Variants in WDPCP observed in about 807,000 individuals in gnomAD.
WDPCP encodes the protein WD repeat-containing and planar cell polarity effector protein fritz homolog.
WDPCP carries 71 observed loss-of-function variants against 93.1 expected under a neutral mutation model. The ratio of observed to expected loss-of-function variants is 0.76; its 90% CI spans 0.63 to 0.93. WDPCP has a LOEUF of 0.93. WDPCP is among the 40% of genes least tolerant of loss of function. The probability of loss-of-function intolerance (pLI) is 0.00; values close to 1 mark genes in which losing one functional copy is unlikely to be tolerated. For synonymous variants in WDPCP, 315 were observed against 315.0 expected (o/e 1.00, Z 0.00); for missense variants, 844 against 887.4 (o/e 0.95, Z 0.62).
chr2:63,395,282 A>G (rs1448202804), intron 10 of WDPCP, among the ~76,000 whole-genome samples: 2 of 152,196 alleles, frequency 1.3e-5, no homozygotes, highest in Non-Finnish European at 2.9e-5. Flanking sequence ...GTTGTGTTAC[A>G]TAGACATATT....
intron 3 of WDPCP, chr2:63,595,551 G>A: frequency 7.6e-7 from 1 of 1,323,346 alleles, no homozygotes; most frequent in Non-Finnish European, 1.1e-6. Context: ...GGATTTTATG[G>A]TATTTGATTT....
intron 2 of WDPCP, among the ~76,000 whole-genome samples, chr2:63,741,639 T>G (rs1430253868): frequency 6.6e-6 from 1 of 152,080 alleles, no homozygotes; most frequent in Non-Finnish European, 1.5e-5. Context: ...CATTCCTCAT[T>G]TGCCACTTTT....
At chr2:63,226,893 T>A (rs528852451) in intron 14 of WDPCP, among the ~76,000 whole-genome samples, 1 of 152,024 alleles carries the variant, frequency 6.6e-6, no homozygotes, top group East Asian at 1.9e-4. Context: ...AAGAAAGAAC[T>A]AATTGAAAGT....
intron 14 of WDPCP, among the ~76,000 whole-genome samples, chr2:63,237,780 G>C (rs1413139188): frequency 1.3e-5 from 2 of 152,012 alleles, no homozygotes; most frequent in African/African-American, 4.8e-5. Context: ...TAAACCCTGG[G>C]TATACACAGA....
chr2:63,239,506 G>A (rs1291660891), intron 14 of WDPCP, among the ~76,000 whole-genome samples: 3 of 152,074 alleles, frequency 2.0e-5, no homozygotes, highest in Non-Finnish European at 4.4e-5. Flanking sequence ...AACTTAGTAG[G>A]CCAACTACAT....
At chr2:63,468,206 C>T (rs1699472893) in intron 6 of WDPCP, among the ~76,000 whole-genome samples, 1 of 152,142 alleles carries the variant, frequency 6.6e-6, no homozygotes. Context: ...TTCAGACTAG[C>T]ATCATAGTTT....
At chr2:63,670,864 G>C (rs1425536717) in intron 2 of WDPCP, among the ~76,000 whole-genome samples, 1 of 152,032 alleles carries the variant, frequency 6.6e-6, no homozygotes, top group East Asian at 1.9e-4. Context: ...TAAGGCACAA[G>C]TATGAAATGA....
intron 12 of WDPCP, among the ~76,000 whole-genome samples, chr2:63,343,181 C>A (rs1397711862): frequency 1.3e-5 from 2 of 151,712 alleles, no homozygotes; most frequent in African/African-American, 4.8e-5. Flanking sequence ...TCTTTTTTTG[C>A]ATTTTTAGTA....
chr2:63,797,873 G>C (rs1375395173), intron 2 of WDPCP, among the ~76,000 whole-genome samples: 2 of 151,990 alleles, frequency 1.3e-5, no homozygotes, highest in East Asian at 3.9e-4. Context: ...CTAGCTCAAG[G>C]CATTTAATAC....
intron 14 of WDPCP, among the ~76,000 whole-genome samples, chr2:63,175,086 T>G (rs867215338): frequency 6.6e-6 from 1 of 152,204 alleles, no homozygotes; most frequent in Non-Finnish European, 1.5e-5. Context: ...ATGTGTAGTG[T>G]TTTTAACGAG....
intron 17 of WDPCP, among the ~76,000 whole-genome samples, chr2:63,144,214 C>G (rs1380919479): frequency 6.6e-6 from 1 of 152,014 alleles, no homozygotes; most frequent in Non-Finnish European, 1.5e-5. Flanking sequence ...TTTCTTTCTT[C>G]TCCTTGTTCA....
At chr2:63,792,524 C>T (rs950002461) in intron 2 of WDPCP, among the ~76,000 whole-genome samples, 2 of 152,032 alleles carry the variant, frequency 1.3e-5, no homozygotes, top group Non-Finnish European at 2.9e-5. Flanking sequence ...CTGAGTGATA[C>T]GGCTATACAT....
chr2:63,233,390 C>CAGTTCTGTGT (rs1679103054), intron 14 of WDPCP: 1 of 240,958 alleles, frequency 4.2e-6, no homozygotes, highest in African/African-American at 2.3e-5. Context: ...AGAGTCTACA[C>CAGTTCTGTGT]AGTTCAAGAG....
chr2:63,800,041 T>A (rs1159202385), intron 2 of WDPCP, among the ~76,000 whole-genome samples: 2 of 152,230 alleles, frequency 1.3e-5, no homozygotes, highest in Non-Finnish European at 2.9e-5. Context: ...AGTATTGGTC[T>A]ATATAACTAA....
intron 2 of WDPCP, among the ~76,000 whole-genome samples, chr2:63,714,792 G>A (rs946416317): frequency 2.0e-5 from 3 of 152,182 alleles, no homozygotes; most frequent in Non-Finnish European, 2.9e-5. Context: ...TTGCACCACT[G>A]CACTCCAGCC....
intron 9 of WDPCP, among the ~76,000 whole-genome samples, chr2:63,405,886 A>G (rs926567263): frequency 6.6e-6 from 1 of 152,172 alleles, no homozygotes; most frequent in Non-Finnish European, 1.5e-5. Context: ...TACATCCCCC[A>G]GAAAAGGTGC....
At chr2:63,153,181 G>A in intron 16 of WDPCP, 1 of 567,134 alleles carries the variant, frequency 1.8e-6, no homozygotes, top group Non-Finnish European at 3.1e-6. Flanking sequence ...ATATACTATA[G>A]TATATACTAG....
upstream of WDPCP, among the ~76,000 whole-genome samples, chr2:63,589,566 T>G (rs2106591127): frequency 6.6e-6 from 1 of 152,358 alleles, no homozygotes; most frequent in African/African-American, 2.4e-5. Context: ...ATCTAATTTC[T>G]CAAAATGTTA....
At chr2:63,699,322 CCT>C (rs1447395851) in intron 2 of WDPCP, among the ~76,000 whole-genome samples, 1 of 152,158 alleles carries the variant, frequency 6.6e-6, no homozygotes, top group African/African-American at 2.4e-5. Flanking sequence ...TTCAAAATGT[CCT>C]CGTGAAAGAA....
Sources: allele counts gnomAD v4.1 joint callset (sites outside exome capture counted in the v4.1 genomes callset), GRCh38; gene constraint gnomAD v4.1.1; transcripts MANE v1.5; gene names NCBI Gene and HGNC (gene_info 2026-07-23, HGNC 2026-07-21).